ANKRD44: variants seen among roughly 807,000 people sequenced by gnomAD.
The protein encoded by ANKRD44 is ankyrin repeat domain 44.
ANKRD44 carries 35 observed loss-of-function variants against 116.0 expected under a neutral mutation model. That is an observed-to-expected ratio of 0.30 (90% CI 0.23 to 0.40). The LOEUF (loss-of-function observed/expected upper bound fraction) is 0.40. Ranked by LOEUF, ANKRD44 falls within the 10% of genes least tolerant of loss-of-function variation. The pLI is 1.00. For synonymous variants in ANKRD44, 435 were observed against 461.8 expected (o/e 0.94, Z 0.74); for missense variants, 1,014 against 1,242.6 (o/e 0.82, Z 2.77).
At chr2:197,109,705 C>T (rs896086917) in intron 9 of ANKRD44, among the ~76,000 whole-genome samples, 3 of 128,162 alleles carry the variant, frequency 2.3e-5, no homozygotes, top group Non-Finnish European at 3.5e-5. Context: ...TATGGGTCAA[C>T]TAAAAATAGG....
intron 2 of ANKRD44, among the ~76,000 whole-genome samples, chr2:197,150,393 C>T (rs2125445672): frequency 1.3e-5 from 2 of 152,038 alleles, no homozygotes; most frequent in South Asian, 4.2e-4. Flanking sequence ...CAAAAAAATA[C>T]AAAAAATTAG....
chr2:197,055,831 T>C (rs1388841792), intron 16 of ANKRD44, among the ~76,000 whole-genome samples: 3 of 152,192 alleles, frequency 2.0e-5, no homozygotes, highest in Admixed American at 6.6e-5. Flanking sequence ...CTCAACTCTT[T>C]ATTCTGTTCT....
At chr2:197,257,522 T>G (rs2082481447) in intron 1 of ANKRD44, among the ~76,000 whole-genome samples, 1 of 152,132 alleles carries the variant, frequency 6.6e-6, no homozygotes, top group African/African-American at 2.4e-5. Context: ...TTCAATATTT[T>G]TGGACAAATT....
At chr2:197,050,950 T>C (rs907907828) in intron 16 of ANKRD44, among the ~76,000 whole-genome samples, 1 of 149,456 alleles carries the variant, frequency 6.7e-6, no homozygotes, top group Non-Finnish European at 1.5e-5. Flanking sequence ...CATGTGAAAT[T>C]ATTCAAATGT....
chr2:197,101,947 T>C (rs1395679842), intron 9 of ANKRD44, among the ~76,000 whole-genome samples: 1 of 152,206 alleles, frequency 6.6e-6, no homozygotes, highest in Non-Finnish European at 1.5e-5. Context: ...AGTCATATTT[T>C]TGAAAAGGCT....
At chr2:197,021,989 G>A (rs942124717) in intron 17 of ANKRD44, among the ~76,000 whole-genome samples, 2 of 152,166 alleles carry the variant, frequency 1.3e-5, no homozygotes, top group African/African-American at 2.4e-5. Context: ...TCAAGAGGAT[G>A]AAATGCTTAT....
chr2:196,976,504 T>C (rs1362758347), intron 21 of ANKRD44, among the ~76,000 whole-genome samples: 5 of 152,154 alleles, frequency 3.3e-5, no homozygotes, highest in Non-Finnish European at 5.9e-5. Flanking sequence ...CCTATACAGA[T>C]TGGAAAAGAA....
At chr2:197,046,641 C>CG (rs1553494198) in intron 16 of ANKRD44, among the ~76,000 whole-genome samples, 73 of 145,694 alleles carry the variant, frequency 5.0e-4, no homozygotes, top group African/African-American at 1.7e-3. Flanking sequence ...GCGAGACTGG[C>CG]AAAAAAAAAA....
At chr2:197,065,421 C>T (rs1312069216) in intron 16 of ANKRD44, among the ~76,000 whole-genome samples, 1 of 152,098 alleles carries the variant, frequency 6.6e-6, no homozygotes, top group Admixed American at 6.5e-5. Context: ...CATTCAAAAG[C>T]TAGCAGAAGG....
At chr2:197,116,484 G>A (rs971355830) in intron 8 of ANKRD44, among the ~76,000 whole-genome samples, 1 of 152,126 alleles carries the variant, frequency 6.6e-6, no homozygotes, top group African/African-American at 2.4e-5. Flanking sequence ...TCAGCCTCAC[G>A]CAAAGATTCC....
At chr2:197,144,842 A>G (rs2079456469) in intron 3 of ANKRD44, among the ~76,000 whole-genome samples, 1 of 152,214 alleles carries the variant, frequency 6.6e-6, no homozygotes. Context: ...GAAAAAAAAG[A>G]GACTGGTTGA....
At chr2:197,239,243 A>C (rs1217710063) in intron 1 of ANKRD44, among the ~76,000 whole-genome samples, 1 of 152,106 alleles carries the variant, frequency 6.6e-6, no homozygotes, top group African/African-American at 2.4e-5. Flanking sequence ...GTAAGCTAGA[A>C]AAAATTGTCC....
intron 21 of ANKRD44, among the ~76,000 whole-genome samples, chr2:196,979,004 C>T (rs1446952333): frequency 2.0e-5 from 3 of 151,848 alleles, no homozygotes; most frequent in Admixed American, 6.6e-5. Context: ...AATTCTGGAG[C>T]CACTTGACTA....
At chr2:197,065,547 C>T (rs980739268) in intron 16 of ANKRD44, among the ~76,000 whole-genome samples, 12 of 151,944 alleles carry the variant, frequency 7.9e-5, no homozygotes, top group Admixed American at 1.3e-4. Flanking sequence ...ATTGATAGAC[C>T]GCTAGCAAGA....
chr2:196,997,545 G>A (rs1362151126), intron 25 of ANKRD44, among the ~76,000 whole-genome samples: 2 of 151,138 alleles, frequency 1.3e-5, no homozygotes, highest in Non-Finnish European at 2.9e-5. Flanking sequence ...TGCCTCCCGG[G>A]TTCAAACGAT....
chr2:197,158,174 G>A (rs781684084), intron 2 of ANKRD44, among the ~76,000 whole-genome samples: 27 of 152,290 alleles, frequency 1.8e-4, no homozygotes, highest in Middle Eastern at 3.4e-3. Context: ...GATGAAAACC[G>A]AAGCAGGTCT....
At chr2:196,995,103 A>G (rs1397427173) in intron 26 of ANKRD44, 3 of 228,802 alleles carry the variant, frequency 1.3e-5, no homozygotes, top group Non-Finnish European at 2.5e-5. Context: ...ACAGCCCACT[A>G]AATTTATAAT....
intron 2 of ANKRD44, among the ~76,000 whole-genome samples, chr2:197,185,433 G>A (rs2080631389): frequency 6.6e-6 from 1 of 152,214 alleles, no homozygotes; most frequent in African/African-American, 2.4e-5. Flanking sequence ...CTGTGGCAAA[G>A]CTCCTCTTAC....
rs71012942 is a variant in ANKRD44, at chr2:196,979,554, C to CTTTTTTTTTTTTTTTTTT, written c.2369-12126_2369-12109dup. 1.1e-3 allele frequency among the ~76,000 whole-genome samples: 67 copies of CTTTTTTTTTTTTTTTTTT among 59,644 alleles called. 3 individuals are homozygous for CTTTTTTTTTTTTTTTTTT. Among genetic ancestry groups the CTTTTTTTTTTTTTTTTTT allele is most frequent in the East Asian group, 3.3e-3 (5 of 1,536 alleles). The allele number at this position is 59,644 out of a possible 152,430, so 39.1% of individuals were successfully genotyped here. Reference sequence around the variant, plus strand: ...CAGCCTGAGTAATTTAATAAGATGACTTTTTTTTTTTTTTTTTTTTTTTTT... The same window carrying CTTTTTTTTTTTTTTTTTT: ...CAGCCTGAGTAATTTAATAAGATGACTTTTTTTTTTTTTTTTTTTTTTTTTTTTTTTTTTTTTTTTTTT... On this transcript the variant is annotated intron_variant, in intron 21 of 21. Coordinates refer to the ANKRD44 transcript ENST00000424317.
Sources: gnomAD v4.1 joint callset for allele counts (sites outside exome capture counted in the v4.1 genomes callset) on GRCh38, gnomAD v4.1.1 for gene constraint, MANE v1.5 for transcripts, NCBI Gene and HGNC (gene_info 2026-07-23, HGNC 2026-07-21) for gene names.